HIPK1: variants seen among roughly 807,000 people sequenced by gnomAD.
The protein encoded by HIPK1 is homeodomain interacting protein kinase 1, also known as homeodomain-interacting protein kinase 1.
In HIPK1, 28 loss-of-function variants were observed where a neutral mutation model predicts 117.1. The ratio of observed to expected loss-of-function variants is 0.24; its 90% CI spans 0.18 to 0.33. The LOEUF is 0.33. Among genes scored for constraint, HIPK1 ranks in the 10% least tolerant of loss-of-function variants. The probability of loss-of-function intolerance (pLI) is 1.00; values close to 1 mark genes in which losing one functional copy is unlikely to be tolerated. For missense variants in HIPK1, 1,122 were observed against 1,475.1 expected (o/e 0.76, Z 3.92); for synonymous variants, 605 against 562.5 (o/e 1.08, Z -1.07).
intron 6 of HIPK1, 132 bp from the exon 7 acceptor site, chr1:113,956,991 AT>A (rs1239691060): frequency 8.1e-5 from 73 of 899,936 alleles, no homozygotes; most frequent in Non-Finnish European, 1.2e-4. Flanking sequence ...CTTCCCTATG[AT>A]TATACAAATT....
In HIPK1 at chr1:113,970,156, AAACTC is replaced by A. The variant is rs1403894848; in HGVS notation, c.2974_2978del (p.Thr992AlafsTer3). 6.2e-7 allele frequency: 1 copy of A among 1,614,148 alleles called. No individual in the cohort carries two copies. The highest frequency in any genetic ancestry group is 1.7e-5 in the Admixed American group (1 of 60,022). The stretch of plus-strand genomic sequence containing the variant: ...CGCACTATCATTGTGCCTCCACTGA[AAACTC>A]AGCTTGGTGACTGCACTGTAGCAAC... On this transcript the variant is annotated frameshift_variant, in exon 14 of 16. Coordinates refer to ENST00000426820, the MANE Select transcript of HIPK1 (RefSeq NM_198268.3). LOFTEE classifies it high-confidence loss of function.
At chr1:113,966,322 G>T (rs1233890424) in intron 11 of HIPK1, 50 bp downstream of exon 11, 2 of 1,547,516 alleles carry the variant, frequency 1.3e-6, no homozygotes, top group Non-Finnish European at 1.8e-6. Context: ...GATCCCATAG[G>T]GTGGGAGCAC....
At chr1:113,933,654 T>C (rs1454098006) in intron 1 of HIPK1, among the ~76,000 whole-genome samples, 1 of 151,870 alleles carries the variant, frequency 6.6e-6, no homozygotes, top group African/African-American at 2.4e-5. Context: ...TGGATCACTT[T>C]AGGAGTCTGA....
chr1:113,958,181 T>C lies in HIPK1; in HGVS notation c.1871T>C (p.Val624Ala), dbSNP rs1457967785. The change falls in exon 8 of 16, where the codon GTT (valine) becomes GCT (alanine). Residue 624 changes from valine (V) to alanine (A), a missense_variant. By Grantham distance (64) the Val-to-Ala change is moderately conservative (BLOSUM62 0). This residue lies in a region of HIPK1 where 731 missense variants were observed against 860.4 expected (regional missense o/e 0.85). Transcript: ENST00000426820. ...TTGTACCCATCATCTGCTGCACCAG[T>C]TCCTGGAGTTGCCCAGCAGGGTGTT... ...SALYPSSAAP[V>A]PGVAQQGVSL... 2 of 1,614,180 alleles carry C rather than the reference T, an allele frequency of 1.2e-6. No homozygotes were observed. The highest frequency in any genetic ancestry group is 1.7e-6 in the Non-Finnish European group (2 of 1,180,010).
At chr1:113,958,318 T>C (rs888791325) in intron 8 of HIPK1, 27 bp downstream of exon 8, 4 of 1,513,976 alleles carry the variant, frequency 2.6e-6, no homozygotes, top group African/African-American at 2.7e-5. Context: ...CTGTATCATA[T>C]GGTATTGTAT....
chr1:113,932,810 G>T (rs571000307), intron 1 of HIPK1, among the ~76,000 whole-genome samples: 1 of 152,128 alleles, frequency 6.6e-6, no homozygotes, highest in African/African-American at 2.4e-5. Context: ...ACTCTACACG[G>T]TTTTTTATTT....
intron 5 of HIPK1, 45 bp from the exon 6 acceptor site, chr1:113,956,582 C>T (rs41283524): frequency 6.8e-7 from 1 of 1,475,140 alleles, no homozygotes; most frequent in African/African-American, 1.4e-5. Flanking sequence ...AGTGTCAGTG[C>T]CAAAGGTTAA....
Position 113,975,988 on chromosome 1 carries a change from C to A in HIPK1, c.*2476C>A, listed in dbSNP as rs1427133208. 1 of 152,602 alleles carries A rather than the reference C, an allele frequency of 6.6e-6. No individual in the cohort carries two copies. Among genetic ancestry groups the A allele is most frequent in the African/African-American group, 2.4e-5 (1 of 41,382 alleles). The allele number at this position is 152,602 out of a possible 1,614,324, so 9.5% of individuals were successfully genotyped here. On this transcript the variant is annotated 3_prime_UTR_variant, in exon 16 of 16. Coordinates refer to ENST00000426820, the MANE Select transcript of HIPK1 (RefSeq NM_198268.3). ...ATATATTTGAGATATAATTTTAGGA[C>A]TGGTTCTGTGTAGATAGAGATGGTG...
chr1:113,949,992 T>G (rs1156722179), intron 2 of HIPK1, among the ~76,000 whole-genome samples: 1 of 152,206 alleles, frequency 6.6e-6, no homozygotes, highest in Non-Finnish European at 1.5e-5. Flanking sequence ...TTAAAAAGTG[T>G]AAGCCCGAAG....
chr1:113,944,159 GTTTTTTTTTT>G (rs140161727), intron 2 of HIPK1, among the ~76,000 whole-genome samples: 790 of 55,238 alleles, frequency 0.014, 11 homozygotes, highest in African/African-American at 0.065. Context: ...ATAGCCATGG[GTTTTTTTTTT>G]TTTTTTTTTT....
intron 2 of HIPK1, among the ~76,000 whole-genome samples, chr1:113,946,170 C>T (rs943350897): frequency 8.5e-5 from 13 of 152,252 alleles, no homozygotes; most frequent in Non-Finnish European, 1.8e-4. Flanking sequence ...TAATGCTCTC[C>T]TTTGAGCAGT....
rs1356688131 is a variant in HIPK1, at chr1:113,977,671, C to G, written c.*4159C>G. ...TGGGAAAAGGGTCCATTGTGTAAAACATAGTTTATCTTTGGATTCAATGTT... is the reference window on the plus strand; with the variant it reads ...TGGGAAAAGGGTCCATTGTGTAAAAGATAGTTTATCTTTGGATTCAATGTT... On this transcript the variant is annotated 3_prime_UTR_variant, in exon 16 of 16. Transcript: ENST00000426820. 1 of 152,570 alleles carries G rather than the reference C, an allele frequency of 6.6e-6. No homozygotes were observed. The highest frequency in any genetic ancestry group is 2.4e-5 in the African/African-American group (1 of 41,436). 9.5% of individuals were successfully genotyped at this position (152,570 alleles called of 1,614,324 possible). A position where few individuals can be genotyped will look rare whatever the true frequency, so the allele number is the denominator to read the frequency against.
chr1:113,945,148 C>T (rs1213403066), intron 2 of HIPK1, among the ~76,000 whole-genome samples: 1 of 152,162 alleles, frequency 6.6e-6, no homozygotes, highest in Non-Finnish European at 1.5e-5. Flanking sequence ...CATGCCCAGC[C>T]TGGCATTTTT....
At position 113,971,907 on chromosome 1, in the gene HIPK1, G is replaced by A. The variant is rs1012056723; in HGVS notation, c.3097G>A (p.Ala1033Thr). The A allele has an allele frequency of 6.8e-6, 11 of 1,607,756 alleles. No homozygotes were observed. The highest frequency in any genetic ancestry group is 8.5e-6 in the Non-Finnish European group (10 of 1,177,382). The part of the protein sequence containing the change: ...GCCITPTGYR[A>T]QRGGTSAAQP... ...CTGTATCACCCCCACAGGGTATCGA[G>A]CTCAACGCGGGGGGACCAGTGCAGC... is the stretch of plus-strand genomic sequence containing the variant. Residue 1033 changes from alanine (A) to threonine (T), a missense_variant, in exon 15 of 16, where the codon GCT (alanine) becomes ACT (threonine). Ala to Thr is a moderately conservative substitution (Grantham distance 58). This residue lies in a region of HIPK1 where 731 missense variants were observed against 860.4 expected (regional missense o/e 0.85). Coordinates refer to ENST00000426820, the MANE Select transcript of HIPK1 (RefSeq NM_198268.3).
Position 113,963,514 on chromosome 1 carries a change from C to T in HIPK1, c.2231C>T (p.Ala744Val). ...GRPALVEQTA[A>V]VLQAWPGGTQ... ...CCGGCGCTGGTTGAACAGACTGCCG[C>T]TGTACTGGTAATTCCCCTCACTTGA... The change falls in exon 10 of 16, where the codon GCT becomes GTT. Residue 744 changes from alanine (A) to valine (V), a missense_variant. By Grantham distance (64) the Ala-to-Val change is moderately conservative. This residue lies in a region of HIPK1 where 731 missense variants were observed against 860.4 expected (regional missense o/e 0.85). Transcript: ENST00000426820. 1 of 1,613,448 alleles carries T rather than the reference C, an allele frequency of 6.2e-7. No individual in the cohort carries two copies. The highest frequency in any genetic ancestry group is 8.5e-7 in the Non-Finnish European group (1 of 1,179,742).
chr1:113,973,255 A>T lies in HIPK1; in HGVS notation c.3376A>T (p.Thr1126Ser), dbSNP rs913617457. Reference sequence around the variant, plus strand: ...GACTTCTGCTGCTGCACTGGGCTCAACCAGCTCCATTGCTCATCTTTTCTC... The same window carrying T: ...GACTTCTGCTGCTGCACTGGGCTCATCCAGCTCCATTGCTCATCTTTTCTC... ...APTSAAALGS[T>S]SSIAHLFSPQ... Residue 1126 changes from threonine to serine, a missense_variant, in exon 16 of 16, where the codon ACC becomes TCC. By Grantham distance (58) the Thr-to-Ser change is moderately conservative (BLOSUM62 1). Coordinates refer to ENST00000426820, the MANE Select transcript of HIPK1 (RefSeq NM_198268.3). 2 of 1,614,128 alleles carry T rather than the reference A, an allele frequency of 1.2e-6. No homozygotes were observed. Among genetic ancestry groups the T allele is most frequent in the Admixed American group, 3.3e-5 (2 of 60,022 alleles).
rs367791151 is a variant in HIPK1 at position 113,968,450 on chromosome 1, T to C, written c.2573T>C (p.Leu858Pro). Residue 858 changes from leucine (L) to proline (P), a missense_variant, in exon 13 of 16, where the codon CTA (leucine) becomes CCA (proline). By Grantham distance (98) the Leu-to-Pro change is moderately conservative. Coordinates refer to ENST00000426820, the MANE Select transcript of HIPK1 (RefSeq NM_198268.3). ...GTGAACTTTTCCTACAGGTCCTCTCTAGATGTTCTGCCTTCCCAAGTCTAT... is the reference window on the plus strand; with the variant it reads ...GTGAACTTTTCCTACAGGTCCTCTCCAGATGTTCTGCCTTCCCAAGTCTAT... ...QSAPVSSKSS[L>P]DVLPSQVYSL... 4 of 1,612,818 alleles carry C rather than the reference T, an allele frequency of 2.5e-6. No individual in the cohort carries two copies. The highest frequency in any genetic ancestry group is 3.4e-6 in the Non-Finnish European group (4 of 1,178,722).
chr1:113,933,710 C>CA (rs927204103), intron 1 of HIPK1, among the ~76,000 whole-genome samples: 1 of 151,836 alleles, frequency 6.6e-6, no homozygotes, highest in Non-Finnish European at 1.5e-5. Context: ...ACAAAAAATA[C>CA]AAAAAAATTA....
At chr1:113,963,853 C>T (rs1333228390) in intron 10 of HIPK1, among the ~76,000 whole-genome samples, 2 of 152,174 alleles carry the variant, frequency 1.3e-5, no homozygotes, top group Non-Finnish European at 2.9e-5. Context: ...AGAGCTTCAA[C>T]ACTGTTACTT....
Sources: gnomAD v4.1 joint callset for allele counts (sites outside exome capture counted in the v4.1 genomes callset) on GRCh38, gnomAD v4.1.1 for gene constraint, gnomAD v4.1.1 regional missense constraint, MANE v1.5 for transcripts, NCBI Gene and HGNC (gene_info 2026-07-23, HGNC 2026-07-21) for gene names.